Variants in PLD1 observed in about 807,000 individuals in gnomAD.
PLD1 encodes phospholipase D1.
PLD1 carries 112 observed loss-of-function variants against 137.1 expected under a neutral mutation model. That is an observed-to-expected ratio of 0.82 (90% CI 0.70 to 0.96). PLD1 has a LOEUF of 0.96. Ranked by LOEUF, PLD1 falls within the 40% of genes least tolerant of loss-of-function variation. The probability of loss-of-function intolerance (pLI) is 0.00; values close to 1 mark genes in which losing one functional copy is unlikely to be tolerated. For missense variants in PLD1, 1,321 were observed against 1,342.0 expected, an observed-to-expected ratio of 0.98 and a Z score of 0.24; for synonymous variants, 431 against 454.7, an observed-to-expected ratio of 0.95 and a Z score of 0.66.
chr3:171,644,818 C>T (rs932843686), intron 22 of PLD1, 92 bp downstream of exon 22: 19 of 788,516 alleles, frequency 2.4e-5, no homozygotes, highest in African/African-American at 2.4e-4. Context: ...CCCACTCCAC[C>T]GAATGGATGT....
chr3:171,616,348 C>G (rs1278946758), intron 24 of PLD1, among the ~76,000 whole-genome samples: 3 of 152,220 alleles, frequency 2.0e-5, no homozygotes, highest in African/African-American at 7.2e-5. Context: ...TTTTGTGTGT[C>G]TCACTTAGAA....
intron 22 of PLD1, 57 bp from the exon 23 acceptor site, chr3:171,642,946 G>A: frequency 1.1e-6 from 1 of 938,672 alleles, no homozygotes; most frequent in Non-Finnish European, 1.7e-6. Context: ...CCAATCCCAT[G>A]CAGTATCTGT....
chr3:171,657,820 T>C (rs1737339156), intron 21 of PLD1, among the ~76,000 whole-genome samples: 1 of 151,820 alleles, frequency 6.6e-6, no homozygotes, highest in Non-Finnish European at 1.5e-5. Context: ...TTAGCTTTTA[T>C]CAAAATAAAA....
At chr3:171,609,326 T>C (rs1418379855) in intron 25 of PLD1, among the ~76,000 whole-genome samples, 2 of 152,138 alleles carry the variant, frequency 1.3e-5, no homozygotes, top group African/African-American at 2.4e-5. Context: ...GGAGACAGTA[T>C]GGACACTTCT....
At chr3:171,615,466 A>G (rs894934289) in intron 24 of PLD1, among the ~76,000 whole-genome samples, 6 of 152,190 alleles carry the variant, frequency 3.9e-5, no homozygotes, top group East Asian at 3.8e-4. Context: ...GCCAAAAACA[A>G]TATTACCACA....
At chr3:171,688,253 C>T (rs764703000) in intron 14 of PLD1, among the ~76,000 whole-genome samples, 4 of 152,166 alleles carry the variant, frequency 2.6e-5, no homozygotes, top group Non-Finnish European at 5.9e-5. Context: ...CCCAGACTGA[C>T]CTATCCTGTT....
intron 16 of PLD1, among the ~76,000 whole-genome samples, chr3:171,684,051 A>G (rs947815950): frequency 6.6e-6 from 1 of 152,154 alleles, no homozygotes; most frequent in Non-Finnish European, 1.5e-5. Flanking sequence ...TATTCAGTTT[A>G]TCAGTGAGGG....
At chr3:171,731,566 G>A (rs1051113801) in intron 6 of PLD1, among the ~76,000 whole-genome samples, 2 of 152,100 alleles carry the variant, frequency 1.3e-5, no homozygotes, top group African/African-American at 4.8e-5. Flanking sequence ...CGGATCACAA[G>A]GTCAAGGGAT....
At position 171,601,417 on chromosome 3, in the gene PLD1, C is replaced by A. The variant is rs977812290; in HGVS notation, c.*1661G>T. 1 of 152,116 alleles carries A rather than the reference C, an allele frequency of 6.6e-6. No homozygotes were observed. The highest frequency in any genetic ancestry group is 2.4e-5 in the African/African-American group (1 of 41,390). 9.4% of individuals were successfully genotyped at this position (152,116 alleles called of 1,614,324 possible). ...CAATCTGAACTTCTTTCATCAATAG[C>A]AAATTCTTATTTACAATGGCTATAG... On this transcript the variant is annotated 3_prime_UTR_variant, in exon 27 of 27. Transcript: ENST00000351298.
chr3:171,702,466 C>A, intron 11 of PLD1, among the ~76,000 whole-genome samples: 1 of 147,552 alleles, frequency 6.8e-6, no homozygotes, highest in Non-Finnish European at 1.5e-5. Flanking sequence ...TCAGCCTGGG[C>A]AACAAAGGAA....
chr3:171,685,231 AC>A (rs1348836769), intron 16 of PLD1, among the ~76,000 whole-genome samples: 1 of 152,146 alleles, frequency 6.6e-6, no homozygotes, highest in East Asian at 1.9e-4. Context: ...AAGATTGGAC[AC>A]CCCTGCCCTA....
At chr3:171,745,962 TC>T (rs1448999101) in intron 1 of PLD1, among the ~76,000 whole-genome samples, 1 of 152,106 alleles carries the variant, frequency 6.6e-6, no homozygotes, top group Non-Finnish European at 1.5e-5. Flanking sequence ...GGGCGTGGGC[TC>T]GGCAAGTCCC....
chr3:171,756,802 C>G (rs73043890), intron 1 of PLD1, among the ~76,000 whole-genome samples: 174 of 152,238 alleles, frequency 1.1e-3, no homozygotes, highest in African/African-American at 3.9e-3. Context: ...CTAAAGCATA[C>G]ACAGTAGAAA....
chr3:171,776,131 G>A (rs2108336315), intron 1 of PLD1, among the ~76,000 whole-genome samples: 1 of 152,262 alleles, frequency 6.6e-6, no homozygotes, highest in Admixed American at 6.5e-5. Context: ...GTAGGAAAAG[G>A]CAGGAACCCA....
intron 21 of PLD1, chr3:171,653,553 A>ACAC (rs1393695556): frequency 1.3e-5 from 2 of 152,210 alleles, no homozygotes; most frequent in Non-Finnish European, 2.9e-5. Flanking sequence ...GTCGTGAGAA[A>ACAC]CCAAAACAAA....
intron 1 of PLD1, among the ~76,000 whole-genome samples, chr3:171,802,780 G>A (rs1723697990): frequency 6.6e-6 from 1 of 152,166 alleles, no homozygotes; most frequent in Non-Finnish European, 1.5e-5. Flanking sequence ...GGCAAAGAGT[G>A]GCCCCTGATT....
At chr3:171,674,093 G>T (rs1713077420) in intron 19 of PLD1, among the ~76,000 whole-genome samples, 1 of 152,176 alleles carries the variant, frequency 6.6e-6, no homozygotes, top group South Asian at 2.1e-4. Flanking sequence ...CATTAAAAGG[G>T]CCTCTAGAAG....
At chr3:171,744,322 G>C (rs563297627) in intron 1 of PLD1, among the ~76,000 whole-genome samples, 7 of 152,060 alleles carry the variant, frequency 4.6e-5, no homozygotes, top group African/African-American at 7.2e-5. Flanking sequence ...ACCTGTGCCC[G>C]TGCCAAGAAA....
At chr3:171,639,180 A>G (rs1321893837) in intron 23 of PLD1, among the ~76,000 whole-genome samples, 2 of 145,910 alleles carry the variant, frequency 1.4e-5, no homozygotes, top group African/African-American at 2.5e-5. Flanking sequence ...TATATAATAT[A>G]TAATATACAA....
Sources: allele counts gnomAD v4.1 joint callset (sites outside exome capture counted in the v4.1 genomes callset), GRCh38; gene constraint gnomAD v4.1.1; transcripts MANE v1.5; gene names NCBI Gene and HGNC (gene_info 2026-07-23, HGNC 2026-07-21).